ANKRD45: variants seen among roughly 807,000 people sequenced by gnomAD.
ANKRD45 encodes the protein ankyrin repeat domain 45.
ANKRD45 carries 21 observed loss-of-function variants against 28.1 expected under a neutral mutation model. The ratio of observed to expected loss-of-function variants is 0.75; its 90% CI spans 0.53 to 1.08. The LOEUF (loss-of-function observed/expected upper bound fraction) is 1.08. Among genes scored for constraint, ANKRD45 ranks in the 50% least tolerant of loss-of-function variants. The pLI, the probability that ANKRD45 is intolerant of heterozygous loss-of-function variation, is 0.00. For missense variants in ANKRD45, 261 were observed against 308.7 expected (o/e 0.85, Z 1.16); for synonymous variants, 86 against 103.9 (o/e 0.83, Z 1.05).
chr1:173,650,061 A>C (rs1306017849), intron 2 of ANKRD45, among the ~76,000 whole-genome samples: 1 of 152,182 alleles, frequency 6.6e-6, no homozygotes, highest in Non-Finnish European at 1.5e-5. Context: ...CTTTCATATA[A>C]ATCAATAAAG....
At chr1:173,637,131 T>C in intron 3 of ANKRD45, 2 of 963,006 alleles carry the variant, frequency 2.1e-6, no homozygotes, top group Non-Finnish European at 3.0e-6. Flanking sequence ...GAAACCTTTA[T>C]AAACTTTTTG....
At position 173,622,255 on chromosome 1, in the gene ANKRD45, C is replaced by T. The variant is rs537776496; in HGVS notation, c.730+2532G>A. Among the ~76,000 whole-genome samples, 76 of 152,270 alleles carry T rather than the reference C, an allele frequency of 5.0e-4. No individual in the cohort carries two copies. The South Asian group carries it at 0.012, about 25-fold the overall frequency. On this transcript the variant is annotated intron_variant, in intron 5 of 5. Transcript: ENST00000333279. ...CCCAAAGTAATTTAAAAATTCAATG[C>T]TATTCCCATTAAACTGTCATTGACA...
the ANKRD45 span, among the ~76,000 whole-genome samples, chr1:173,708,773 C>T: frequency 1.3e-5 from 2 of 152,106 alleles, no homozygotes; most frequent in Non-Finnish European, 2.9e-5. Flanking sequence ...ACTAATAACT[C>T]TAGACTGAGA....
chr1:173,704,452 A>C, the ANKRD45 span, among the ~76,000 whole-genome samples: 1 of 152,140 alleles, frequency 6.6e-6, no homozygotes, highest in African/African-American at 2.4e-5. Context: ...TTAGTTTTTA[A>C]TTGTCAAATT....
intron 1 of ANKRD45, chr1:173,669,450 AC>A (rs756434064): frequency 2.0e-5 from 9 of 455,494 alleles, no homozygotes; most frequent in South Asian, 1.4e-4. Context: ...AAGGAGAAGG[AC>A]CCCAAGGGCA....
chr1:173,702,291 C>A, the ANKRD45 span, among the ~76,000 whole-genome samples: 1 of 152,136 alleles, frequency 6.6e-6, no homozygotes, highest in Non-Finnish European at 1.5e-5. Flanking sequence ...CAGGCTTAGA[C>A]AACTAGAGGT....
At chr1:173,706,320 G>C in the ANKRD45 span, among the ~76,000 whole-genome samples, 1 of 121,604 alleles carries the variant, frequency 8.2e-6, no homozygotes, top group African/African-American at 3.5e-5. Context: ...AAAAAAAAAA[G>C]ATCCTCCTTG....
chr1:173,629,997 G>A (rs1010200421), intron 3 of ANKRD45, among the ~76,000 whole-genome samples: 3 of 152,178 alleles, frequency 2.0e-5, no homozygotes, highest in Non-Finnish European at 2.9e-5. Flanking sequence ...TAGGCCAGGA[G>A]AGAGTGGCAT....
At chr1:173,628,936 G>C (rs1668066774) in intron 3 of ANKRD45, among the ~76,000 whole-genome samples, 3 of 152,026 alleles carry the variant, frequency 2.0e-5, no homozygotes, top group Admixed American at 1.3e-4. Flanking sequence ...TCAGCACAGA[G>C]AGAGAGACTC....
intron 2 of ANKRD45, among the ~76,000 whole-genome samples, chr1:173,654,387 T>C (rs1669394233): frequency 6.6e-6 from 1 of 152,242 alleles, no homozygotes; most frequent in Non-Finnish European, 1.5e-5. Context: ...TAATTCTGGG[T>C]TGAAAATTCT....
chr1:173,686,457 T>C, the ANKRD45 span, among the ~76,000 whole-genome samples: 1 of 152,144 alleles, frequency 6.6e-6, no homozygotes, highest in Non-Finnish European at 1.5e-5. Flanking sequence ...GTCTTGGTGG[T>C]TAGCAGCACA....
chr1:173,706,448 C>G, the ANKRD45 span, among the ~76,000 whole-genome samples: 1 of 151,814 alleles, frequency 6.6e-6, no homozygotes, highest in Admixed American at 6.6e-5. Context: ...AAGCAATTCT[C>G]CTGCCTCAGC....
chr1:173,692,617 A>C, the ANKRD45 span, among the ~76,000 whole-genome samples: 1 of 152,212 alleles, frequency 6.6e-6, no homozygotes, highest in Non-Finnish European at 1.5e-5. Context: ...GACAATCAGA[A>C]GGCTGTGTTT....
At chr1:173,683,384 A>C in the ANKRD45 span, among the ~76,000 whole-genome samples, 1 of 152,204 alleles carries the variant, frequency 6.6e-6, no homozygotes, top group African/African-American at 2.4e-5. Context: ...TCATCATGGA[A>C]GCAGAAAAAA....
chr1:173,697,507 T>C, the ANKRD45 span, among the ~76,000 whole-genome samples: 3 of 152,194 alleles, frequency 2.0e-5, no homozygotes, highest in Admixed American at 2.0e-4. Flanking sequence ...TGGGGGCCAA[T>C]ATTCAACATT....
chr1:173,634,713 A>G (rs1000003492), intron 3 of ANKRD45, among the ~76,000 whole-genome samples: 11 of 151,896 alleles, frequency 7.2e-5, no homozygotes, highest in Non-Finnish European at 8.8e-5. Context: ...AATGAGAACT[A>G]TTTATTTTTT....
At chr1:173,612,446 C>T (rs1017425372) in intron 5 of ANKRD45, among the ~76,000 whole-genome samples, 2 of 152,066 alleles carry the variant, frequency 1.3e-5, no homozygotes, top group Non-Finnish European at 2.9e-5. Flanking sequence ...AGAGAAAATA[C>T]AGAAATGGCC....
chr1:173,699,278 T>C, the ANKRD45 span, among the ~76,000 whole-genome samples: 2 of 152,198 alleles, frequency 1.3e-5, no homozygotes, highest in African/African-American at 4.8e-5. Flanking sequence ...TCTGAAACTA[T>C]TCCAATCAAT....
intron 1 of ANKRD45, chr1:173,669,314 G>A (rs1670154120): frequency 4.9e-6 from 2 of 408,012 alleles, no homozygotes; most frequent in South Asian, 3.7e-5. Flanking sequence ...ATAAACAAAG[G>A]GCAAGGAGGC....
Sources: gnomAD v4.1 joint callset for allele counts (sites outside exome capture counted in the v4.1 genomes callset) on GRCh38, gnomAD v4.1.1 for gene constraint, MANE v1.5 for transcripts, NCBI Gene and HGNC (gene_info 2026-07-23, HGNC 2026-07-21) for gene names.